NLGN1: variants seen among roughly 807,000 people sequenced by gnomAD.
NLGN1 encodes neuroligin 1.
In NLGN1, 12 loss-of-function variants were observed where a neutral mutation model predicts 65.5. The ratio of observed to expected loss-of-function variants is 0.18; its 90% CI spans 0.12 to 0.30. NLGN1 has a LOEUF of 0.30. Among genes scored for constraint, NLGN1 ranks in the 10% least tolerant of loss-of-function variants. The probability of loss-of-function intolerance (pLI) is 1.00; values close to 1 mark genes in which losing one functional copy is unlikely to be tolerated. For synonymous variants in NLGN1, 350 were observed against 359.5 expected (o/e 0.97, Z 0.30); for missense variants, 750 against 1,007.1 (o/e 0.74, Z 3.46).
intron 4 of NLGN1, among the ~76,000 whole-genome samples, chr3:174,089,879 G>A (rs1216771182): frequency 6.7e-6 from 1 of 148,858 alleles, no homozygotes; most frequent in African/African-American, 2.5e-5. Context: ...TTTGCCTTGG[G>A]GACTGCATAA....
At chr3:173,840,947 A>G (rs1474523595) in intron 4 of NLGN1, among the ~76,000 whole-genome samples, 2 of 152,166 alleles carry the variant, frequency 1.3e-5, no homozygotes, top group African/African-American at 4.8e-5. Context: ...TTACCTGTAC[A>G]ACCTCATTTC....
intron 1 of NLGN1, among the ~76,000 whole-genome samples, chr3:173,408,304 A>G (rs540146345): frequency 1.3e-5 from 2 of 152,290 alleles, no homozygotes; most frequent in South Asian, 4.1e-4. Context: ...TAAGGGAGAG[A>G]GAATCTAGTT....
chr3:173,427,759 A>C (rs750465277), intron 1 of NLGN1, among the ~76,000 whole-genome samples: 13 of 151,770 alleles, frequency 8.6e-5, no homozygotes, highest in Non-Finnish European at 1.2e-4. Flanking sequence ...GAAGTTCAAT[A>C]GGCTGATGAA....
intron 1 of NLGN1, among the ~76,000 whole-genome samples, chr3:173,420,818 C>G (rs1289548617): frequency 6.6e-6 from 1 of 152,184 alleles, no homozygotes; most frequent in Non-Finnish European, 1.5e-5. Context: ...TCTTTCCACA[C>G]TAATTTGATA....
At chr3:173,946,820 G>A (rs932974751) in intron 4 of NLGN1, among the ~76,000 whole-genome samples, 2 of 152,200 alleles carry the variant, frequency 1.3e-5, no homozygotes, top group South Asian at 2.1e-4. Flanking sequence ...TTACACTGGC[G>A]AGAATAAATG....
At chr3:174,174,806 C>T (rs561425962) in intron 4 of NLGN1, among the ~76,000 whole-genome samples, 134 of 151,896 alleles carry the variant, frequency 8.8e-4, no homozygotes, top group Admixed American at 4.0e-3. Flanking sequence ...TCCCTTAGTA[C>T]GGCTTTTGCT....
intron 4 of NLGN1, among the ~76,000 whole-genome samples, chr3:174,200,022 T>A (rs1372945797): frequency 6.6e-6 from 1 of 152,192 alleles, no homozygotes; most frequent in Non-Finnish European, 1.5e-5. Context: ...GAGAGTAGAT[T>A]TAACAGGAAA....
At chr3:173,816,046 G>T (rs1343902857) in intron 4 of NLGN1, among the ~76,000 whole-genome samples, 3 of 124,440 alleles carry the variant, frequency 2.4e-5, no homozygotes, top group Admixed American at 8.9e-5. Flanking sequence ...ATATAATATA[G>T]TCAGTAATGA....
chr3:173,483,220 T>TA (rs936100710), intron 2 of NLGN1, among the ~76,000 whole-genome samples: 15 of 152,046 alleles, frequency 9.9e-5, no homozygotes, highest in African/African-American at 3.6e-4. Context: ...AAATGTAATT[T>TA]AAAAAATACT....
intron 4 of NLGN1, among the ~76,000 whole-genome samples, chr3:174,245,277 TATTA>T (rs1450098366): frequency 6.6e-6 from 1 of 152,162 alleles, no homozygotes; most frequent in Non-Finnish European, 1.5e-5. Flanking sequence ...GCAATCACCC[TATTA>T]ATTTTTTAAA....
At chr3:173,453,335 T>G (rs13078755) in intron 2 of NLGN1, among the ~76,000 whole-genome samples, 72,547 of 151,384 alleles carry the variant, frequency 0.48, 19,870 homozygotes, top group East Asian at 0.84. Flanking sequence ...TAGGCTCAAG[T>G]GATCTTCCTG....
chr3:173,686,547 T>G (rs2149804656), intron 3 of NLGN1, among the ~76,000 whole-genome samples: 1 of 152,244 alleles, frequency 6.6e-6, no homozygotes, highest in Non-Finnish European at 1.5e-5. Context: ...AATTTTATTG[T>G]CATTACTATG....
chr3:173,869,667 T>G (rs1343739369), intron 4 of NLGN1, among the ~76,000 whole-genome samples: 1 of 152,188 alleles, frequency 6.6e-6, no homozygotes, highest in African/African-American at 2.4e-5. Flanking sequence ...CCAGTCTTCT[T>G]GGTGTAGAAA....
intron 4 of NLGN1, among the ~76,000 whole-genome samples, chr3:174,031,821 A>G (rs1391725486): frequency 1.3e-5 from 2 of 152,096 alleles, no homozygotes; most frequent in Admixed American, 1.3e-4. Flanking sequence ...CAGATTTTAG[A>G]AAGCAATTTA....
chr3:173,849,134 T>C (rs576705010), intron 4 of NLGN1, among the ~76,000 whole-genome samples: 1 of 152,280 alleles, frequency 6.6e-6, no homozygotes, highest in South Asian at 2.1e-4. Context: ...ATAACTACCA[T>C]ATAATGAAAA....
chr3:173,559,764 G>A (rs2149291711), intron 2 of NLGN1, among the ~76,000 whole-genome samples: 1 of 152,202 alleles, frequency 6.6e-6, no homozygotes, highest in Non-Finnish European at 1.5e-5. Flanking sequence ...TATTTTCTAT[G>A]AATGCTAGAA....
intron 4 of NLGN1, among the ~76,000 whole-genome samples, chr3:174,000,127 T>C (rs1034966241): frequency 2.6e-5 from 4 of 152,178 alleles, no homozygotes; most frequent in Non-Finnish European, 4.4e-5. Context: ...TATTTTCGTT[T>C]GTGACTTGGT....
At chr3:173,923,401 A>T (rs1742419031) in intron 4 of NLGN1, among the ~76,000 whole-genome samples, 1 of 152,140 alleles carries the variant, frequency 6.6e-6, no homozygotes, top group Admixed American at 6.6e-5. Context: ...CCCTAAAATG[A>T]ATTGGCCAGA....
chr3:174,036,584 G>GTTTT (rs34399860), intron 4 of NLGN1, among the ~76,000 whole-genome samples: 8 of 141,680 alleles, frequency 5.6e-5, no homozygotes, highest in Admixed American at 2.1e-4. Context: ...GTTTTTTGTT[G>GTTTT]TTTTTTTTTT....
Sources: gnomAD v4.1 joint callset for allele counts (sites outside exome capture counted in the v4.1 genomes callset) on GRCh38, gnomAD v4.1.1 for gene constraint, MANE v1.5 for transcripts, NCBI Gene and HGNC (gene_info 2026-07-23, HGNC 2026-07-21) for gene names.